Variants in ATRNL1 observed in about 807,000 individuals in gnomAD.
ATRNL1 encodes the protein attractin like 1.
Under a neutral mutation model 182.7 loss-of-function variants are expected in ATRNL1, and 95 were observed. The ratio of observed to expected loss-of-function variants is 0.52; its 90% confidence interval spans 0.44 to 0.62. The LOEUF (loss-of-function observed/expected upper bound fraction) is 0.62, where lower values mean the gene tolerates loss of function less well. Ranked by LOEUF, ATRNL1 falls within the 20% of genes least tolerant of loss-of-function variation. The pLI, the probability that ATRNL1 is intolerant of heterozygous loss-of-function variation, is 0.00. For synonymous variants in ATRNL1, 576 were observed against 568.3 expected (o/e 1.01, Z -0.19); for missense variants, 1,471 against 1,679.5 (o/e 0.88, Z 2.17).
chr10:115,924,598 A>C (rs921640075), intron 28 of ATRNL1, among the ~76,000 whole-genome samples: 2 of 151,858 alleles, frequency 1.3e-5, no homozygotes, highest in African/African-American at 2.4e-5. Context: ...GTTCTGTTCT[A>C]TTGGTCTATA....
At chr10:115,290,516 C>T (rs1852847019) in intron 15 of ATRNL1, among the ~76,000 whole-genome samples, 2 of 152,138 alleles carry the variant, frequency 1.3e-5, no homozygotes, top group Admixed American at 6.5e-5. Context: ...ATTAGCTGGG[C>T]CTGGTGGCGG....
At chr10:115,582,140 A>G (rs1855139120) in intron 26 of ATRNL1, among the ~76,000 whole-genome samples, 1 of 151,844 alleles carries the variant, frequency 6.6e-6, no homozygotes, top group Non-Finnish European at 1.5e-5. Context: ...AATCCAGTCT[A>G]TCATTGTTGG....
chr10:115,732,711 T>C (rs1192661893), intron 27 of ATRNL1, among the ~76,000 whole-genome samples: 1 of 152,178 alleles, frequency 6.6e-6, no homozygotes, highest in Admixed American at 6.5e-5. Context: ...AAATCTCATA[T>C]TGGCCTAAGG....
chr10:115,382,849 T>A (rs1397500776), intron 19 of ATRNL1, among the ~76,000 whole-genome samples: 1 of 151,872 alleles, frequency 6.6e-6, no homozygotes, highest in Non-Finnish European at 1.5e-5. Flanking sequence ...TGTGAGTTTT[T>A]AAAAAAATGC....
At chr10:115,899,638 C>T (rs1555113247) in intron 28 of ATRNL1, among the ~76,000 whole-genome samples, 1 of 152,036 alleles carries the variant, frequency 6.6e-6, no homozygotes, top group African/African-American at 2.4e-5. Flanking sequence ...TAAAATGTTG[C>T]ATATTAATAT....
At chr10:115,392,025 G>T (rs1197786014) in intron 19 of ATRNL1, among the ~76,000 whole-genome samples, 1 of 152,098 alleles carries the variant, frequency 6.6e-6, no homozygotes, top group Non-Finnish European at 1.5e-5. Flanking sequence ...GTTACTTCTG[G>T]TGGGAAGAGG....
intron 15 of ATRNL1, among the ~76,000 whole-genome samples, chr10:115,291,651 A>C (rs1251397713): frequency 6.6e-6 from 1 of 151,994 alleles, no homozygotes; most frequent in East Asian, 1.9e-4. Context: ...TCGATGTGAT[A>C]TTTGATGTTT....
At chr10:115,656,249 G>A (rs1023155377) in intron 26 of ATRNL1, among the ~76,000 whole-genome samples, 9 of 152,042 alleles carry the variant, frequency 5.9e-5, no homozygotes, top group African/African-American at 1.9e-4. Flanking sequence ...TATATATATA[G>A]CTCCTTAAAT....
At position 115,469,264 on chromosome 10, in the gene ATRNL1, A is replaced by G; in HGVS notation, c.3589A>G (p.Arg1197Gly). ...TTTTTCCTATGAAAAATTTAACTTT[A>G]GAAGCAATCCTAACATTACATTCTA... ...DSFSYEKFNF[R>G]SNPNITFYVY... The change falls in exon 24 of 29, where the codon AGA becomes GGA. Residue 1197 changes from arginine (R) to glycine (G), a missense_variant. By Grantham distance (125) the Arg-to-Gly change is moderately radical. This residue lies in a region of ATRNL1 where 437 missense variants were observed against 506.0 expected (regional missense o/e 0.86). Transcript: ENST00000355044. 2 of 1,526,444 alleles carry G rather than the reference A, an allele frequency of 1.3e-6. No individual in the cohort carries two copies. The highest frequency in any genetic ancestry group is 1.8e-6 in the Non-Finnish European group (2 of 1,136,974). 94.6% of individuals were successfully genotyped at this position (1,526,444 alleles called of 1,614,324 possible).
At chr10:115,107,335 AAAGG>A (rs1363189318) in intron 1 of ATRNL1, among the ~76,000 whole-genome samples, 1 of 152,244 alleles carries the variant, frequency 6.6e-6, no homozygotes, top group Non-Finnish European at 1.5e-5. Context: ...CAAAAGAAAA[AAAGG>A]GGTAACAGGC....
intron 28 of ATRNL1, among the ~76,000 whole-genome samples, chr10:115,906,749 G>A (rs1209459818): frequency 2.6e-5 from 4 of 152,032 alleles, no homozygotes; most frequent in African/African-American, 9.7e-5. Flanking sequence ...TAGAGTACAG[G>A]ATTATATCCT....
At chr10:115,531,109 G>A (rs1554988126) in intron 25 of ATRNL1, among the ~76,000 whole-genome samples, 1 of 151,930 alleles carries the variant, frequency 6.6e-6, no homozygotes, top group Non-Finnish European at 1.5e-5. Context: ...TGTCTTTATA[G>A]CAGCATGATT....
chr10:115,477,353 A>G (rs1258666748), intron 24 of ATRNL1, among the ~76,000 whole-genome samples: 2 of 151,640 alleles, frequency 1.3e-5, no homozygotes, highest in African/African-American at 4.8e-5. Context: ...ATAAGCAGAA[A>G]GCTTTCATTC....
At chr10:115,895,410 G>A (rs1483797020) in intron 28 of ATRNL1, among the ~76,000 whole-genome samples, 1 of 152,234 alleles carries the variant, frequency 6.6e-6, no homozygotes, top group East Asian at 1.9e-4. Flanking sequence ...ACACGGCTGT[G>A]CTCATCCTGC....
At position 115,241,456 on chromosome 10, in the gene ATRNL1, T is replaced by C. The variant is rs529031480; in HGVS notation, c.1533-115T>C. 4.9e-5 allele frequency: 27 copies of C among 552,968 alleles called. 1 individual carries two copies. In the South Asian group the frequency reaches 9.9e-4, roughly 20 times the overall value. The allele number at this position is 552,968 out of a possible 1,614,324, so 34.3% of individuals were successfully genotyped here. On this transcript the variant is annotated intron_variant, in intron 9 of 28. Coordinates refer to ENST00000355044, the MANE Select transcript of ATRNL1 (RefSeq NM_207303.4). ...TAAATTGTTAAAAAATATGTTTTTT[T>C]CCCCCACAATTCCAGGGAAACCTCT...
In ATRNL1 at chr10:115,384,642, T is replaced by C. The variant is rs367783908; in HGVS notation, c.3176-10017T>C. On this transcript the variant is annotated intron_variant, in intron 19 of 28. Coordinates refer to ENST00000355044, the MANE Select transcript of ATRNL1 (RefSeq NM_207303.4). ...AATTTTCATGTTATGCATTTTTTCT[T>C]CATTTTTTTTTCTTCAACCATTAAA... Among the ~76,000 whole-genome samples, 37 of 152,044 alleles carry C rather than the reference T, an allele frequency of 2.4e-4. 1 individual carries two copies. In the East Asian group the frequency reaches 7.1e-3, roughly 29 times the overall value.
intron 1 of ATRNL1, among the ~76,000 whole-genome samples, chr10:115,105,964 G>A (rs1554865811): frequency 6.6e-6 from 1 of 152,170 alleles, no homozygotes; most frequent in East Asian, 1.9e-4. Flanking sequence ...TAGTGGAGCT[G>A]TGAGAAGAGG....
intron 26 of ATRNL1, among the ~76,000 whole-genome samples, chr10:115,659,227 C>G (rs1236672048): frequency 6.6e-6 from 1 of 152,008 alleles, no homozygotes; most frequent in East Asian, 1.9e-4. Flanking sequence ...CCTACACAAC[C>G]CAATATAGTT....
At chr10:115,439,744 G>A (rs1484014549) in intron 21 of ATRNL1, among the ~76,000 whole-genome samples, 9 of 151,978 alleles carry the variant, frequency 5.9e-5, no homozygotes, top group South Asian at 2.1e-4. Context: ...AAAGGGAAGC[G>A]GAGGAAATTT....
Sources: allele counts gnomAD v4.1 joint callset (sites outside exome capture counted in the v4.1 genomes callset), GRCh38; gene constraint gnomAD v4.1.1; regional missense constraint gnomAD v4.1.1; transcripts MANE v1.5; gene names NCBI Gene and HGNC (gene_info 2026-07-23, HGNC 2026-07-21).